RIN2: variants seen among roughly 807,000 people sequenced by gnomAD.
RIN2 encodes RAB5 interacting protein 2.
Under a neutral mutation model 78.0 loss-of-function variants are expected in RIN2, and 36 were observed. The observed-to-expected ratio is 0.46, with a 90% confidence interval of 0.35 to 0.61. The LOEUF (loss-of-function observed/expected upper bound fraction) is 0.61, where lower values mean the gene tolerates loss of function less well. Among genes scored for constraint, RIN2 ranks in the 20% least tolerant of loss-of-function variants. The pLI is 0.00. For synonymous variants in RIN2, 466 were observed against 466.8 expected (o/e 1.00, Z 0.02); for missense variants, 1,087 against 1,159.7 (o/e 0.94, Z 0.91).
At chr20:19,936,930 A>G (rs897407096) in intron 4 of RIN2, among the ~76,000 whole-genome samples, 3 of 152,254 alleles carry the variant, frequency 2.0e-5, no homozygotes, top group African/African-American at 7.2e-5. Context: ...AACAATATAG[A>G]TCATGTTGGC....
intron 2 of RIN2, among the ~76,000 whole-genome samples, chr20:19,818,270 T>A (rs923121060): frequency 6.6e-6 from 1 of 152,230 alleles, no homozygotes; most frequent in Non-Finnish European, 1.5e-5. Context: ...GTATATACAG[T>A]CCATCATTAA....
intron 2 of RIN2, among the ~76,000 whole-genome samples, chr20:19,863,007 C>G (rs2037394080): frequency 6.6e-6 from 1 of 152,192 alleles, no homozygotes. Context: ...CTTCTTTCAC[C>G]CTCTGCTCTG....
chr20:19,759,007 A>T (rs1458366454), intron 1 of RIN2, among the ~76,000 whole-genome samples: 1 of 152,014 alleles, frequency 6.6e-6, no homozygotes, highest in African/African-American at 2.4e-5. Context: ...CCGGGAAGGG[A>T]CGGGGCCACT....
intron 2 of RIN2, among the ~76,000 whole-genome samples, chr20:19,876,291 C>T (rs998203765): frequency 1.3e-5 from 2 of 152,146 alleles, no homozygotes; most frequent in South Asian, 4.1e-4. Context: ...CTTCTATCCT[C>T]TGGTTTATCT....
chr20:20,000,733 G>A lies in RIN2; in HGVS notation c.2485G>A (p.Gly829Arg), dbSNP rs773914961. The A allele has an allele frequency of 3.7e-6, 6 of 1,613,960 alleles. No homozygotes were observed. The highest frequency in any genetic ancestry group is 5.1e-6 in the Non-Finnish European group (6 of 1,179,886). The change falls in exon 13 of 13, where the codon GGG becomes AGG. Residue 829 changes from glycine to arginine, a missense_variant. Around this residue, in one of 8 missense-constraint regions of RIN2, gnomAD observed 160 missense variants for 179.4 expected, o/e 0.89. Transcript: ENST00000255006. ...GATCTGCGCTGAGAAGTTCAAGGTG[G>A]GGGACCCTGAGGAGTACAGCCTCTT... Reference protein sequence around the residue: ...CQICAEKFKVGDPEEYSLFLF... With the variant: ...CQICAEKFKVRDPEEYSLFLF...
At chr20:19,947,768 T>C (rs946492331) in intron 4 of RIN2, among the ~76,000 whole-genome samples, 11 of 152,194 alleles carry the variant, frequency 7.2e-5, no homozygotes, top group Non-Finnish European at 1.3e-4. Context: ...GCCAGAAAGG[T>C]GAGACTTGCA....
intron 2 of RIN2, among the ~76,000 whole-genome samples, chr20:19,805,424 T>C (rs1359622804): frequency 6.6e-6 from 1 of 152,130 alleles, no homozygotes; most frequent in Non-Finnish European, 1.5e-5. Context: ...TTTTCTGAGA[T>C]GAAGTCTCAC....
intron 2 of RIN2, among the ~76,000 whole-genome samples, chr20:19,880,277 G>A (rs948788345): frequency 1.3e-5 from 2 of 149,412 alleles, no homozygotes; most frequent in Non-Finnish European, 3.0e-5. Flanking sequence ...AAAATTTCCA[G>A]CATGTTTTGT....
At chr20:19,868,126 G>A (rs1361736490) in intron 2 of RIN2, among the ~76,000 whole-genome samples, 2 of 152,218 alleles carry the variant, frequency 1.3e-5, no homozygotes, top group Non-Finnish European at 2.9e-5. Flanking sequence ...CTTTGGTGAC[G>A]TGATATTTAT....
chr20:19,920,085 A>G (rs987788553), intron 3 of RIN2, among the ~76,000 whole-genome samples: 5 of 152,064 alleles, frequency 3.3e-5, no homozygotes, highest in East Asian at 2.0e-4. Context: ...ACAAGGTCAG[A>G]AGATCAAGAC....
intron 3 of RIN2, among the ~76,000 whole-genome samples, chr20:19,922,300 T>A (rs192745149): frequency 1.3e-5 from 2 of 152,250 alleles, no homozygotes; most frequent in East Asian, 3.9e-4. Context: ...AGACCCTTCA[T>A]GGTCTCTGCA....
chr20:19,789,617 T>C (rs764406432), intron 1 of RIN2, among the ~76,000 whole-genome samples: 11 of 152,220 alleles, frequency 7.2e-5, no homozygotes, highest in Non-Finnish European at 1.5e-4. Context: ...GCCTGCTCCC[T>C]GTAGGTGGCT....
At chr20:19,766,927 A>G (rs1223337798) in intron 1 of RIN2, among the ~76,000 whole-genome samples, 1 of 151,558 alleles carries the variant, frequency 6.6e-6, no homozygotes, top group Non-Finnish European at 1.5e-5. Context: ...AAAAAAAAAA[A>G]GAAAAAAAAG....
At chr20:19,865,173 T>C (rs1397403619) in intron 2 of RIN2, among the ~76,000 whole-genome samples, 2 of 152,200 alleles carry the variant, frequency 1.3e-5, no homozygotes, top group Non-Finnish European at 2.9e-5. Flanking sequence ...ACTAACAGAA[T>C]GTCCTTAGGC....
At chr20:19,888,316 G>A (rs2038286123) in intron 2 of RIN2, among the ~76,000 whole-genome samples, 1 of 152,030 alleles carries the variant, frequency 6.6e-6, no homozygotes, top group Non-Finnish European at 1.5e-5. Context: ...TAAATCGTGG[G>A]GCCGAAAAAA....
chr20:19,980,044 CAAAAA>C (rs56268489), intron 9 of RIN2, among the ~76,000 whole-genome samples: 3 of 72,704 alleles, frequency 4.1e-5, no homozygotes, highest in Non-Finnish European at 7.8e-5. Flanking sequence ...AACTCCATCT[CAAAAA>C]AAAAAAAAAA....
intron 2 of RIN2, among the ~76,000 whole-genome samples, chr20:19,884,210 A>G (rs1440668500): frequency 8.7e-5 from 13 of 150,110 alleles, no homozygotes; most frequent in Non-Finnish European, 1.5e-5. Flanking sequence ...TGAGGCCAGG[A>G]GTTTGAGACC....
chr20:19,857,151 C>T (rs1394787899), intron 2 of RIN2, among the ~76,000 whole-genome samples: 1 of 152,208 alleles, frequency 6.6e-6, no homozygotes, highest in Middle Eastern at 3.4e-3. Context: ...CAAGAATACC[C>T]ATTATTCTGT....
chr20:19,854,353 G>T (rs1298387924), intron 2 of RIN2, among the ~76,000 whole-genome samples: 1 of 152,214 alleles, frequency 6.6e-6, no homozygotes, highest in African/African-American at 2.4e-5. Flanking sequence ...GGATTGCCTT[G>T]GCAATGCGGG....
Sources: allele counts gnomAD v4.1 joint callset (sites outside exome capture counted in the v4.1 genomes callset), GRCh38; gene constraint gnomAD v4.1.1; regional missense constraint gnomAD v4.1.1; transcripts MANE v1.5; gene names NCBI Gene and HGNC (gene_info 2026-07-23, HGNC 2026-07-21).